The following FAM171B variants were observed in gnomAD, a reference collection of about 807,000 sequenced individuals.
FAM171B encodes protein FAM171B.
Under a neutral mutation model 75.6 loss-of-function variants are expected in FAM171B, and 19 were observed. The ratio of observed to expected loss-of-function variants is 0.25; its 90% CI spans 0.18 to 0.37. The LOEUF is 0.37. Ranked by LOEUF, FAM171B falls within the 10% of genes least tolerant of loss-of-function variation. The pLI is 1.00. For missense variants in FAM171B, 848 were observed against 982.4 expected, an observed-to-expected ratio of 0.86 and a Z score of 1.83; for synonymous variants, 367 against 361.7, an observed-to-expected ratio of 1.01 and a Z score of -0.17.
At chr2:186,718,953 A>C (rs1223690447) in intron 1 of FAM171B, among the ~76,000 whole-genome samples, 1 of 152,210 alleles carries the variant, frequency 6.6e-6, no homozygotes. Context: ...GCTGTCTGCT[A>C]ATGCTGTAGA....
rs1440524465 is a variant in FAM171B, at chr2:186,761,393, T to C, written c.1137-86T>C. 7 of 1,455,418 alleles carry C rather than the reference T, an allele frequency of 4.8e-6. No homozygotes were observed. The African/African-American group carries it at 1.0e-4, about 21-fold the overall frequency. The allele number at this position is 1,455,418 out of a possible 1,614,324, so 90.2% of individuals were successfully genotyped here. On this transcript the variant is annotated intron_variant, in intron 7 of 7. Coordinates refer to ENST00000304698, the MANE Select transcript of FAM171B (RefSeq NM_177454.4). ...ATATCTCACAATAGCATTGCATGTA[T>C]GATATGTAGATTGGGAGTGATTTTT... is the stretch of plus-strand genomic sequence containing the variant.
chr2:186,714,630 T>G (rs1438762532), intron 1 of FAM171B, among the ~76,000 whole-genome samples: 1 of 152,188 alleles, frequency 6.6e-6, no homozygotes, highest in Non-Finnish European at 1.5e-5. Context: ...GAGTGTTATA[T>G]AGGAATTATT....
chr2:186,743,980 C>T (rs1016900811), intron 3 of FAM171B, among the ~76,000 whole-genome samples: 1 of 152,100 alleles, frequency 6.6e-6, no homozygotes, highest in Non-Finnish European at 1.5e-5. Flanking sequence ...TTGGGAGATG[C>T]CTAAGACTTG....
chr2:186,747,959 G>C (rs889762508), intron 4 of FAM171B, among the ~76,000 whole-genome samples: 1 of 151,828 alleles, frequency 6.6e-6, no homozygotes, highest in African/African-American at 2.4e-5. Context: ...GTCTTGCTCT[G>C]TTTCCCAAGC....
At chr2:186,718,308 A>G (rs1026308245) in intron 1 of FAM171B, among the ~76,000 whole-genome samples, 11 of 152,140 alleles carry the variant, frequency 7.2e-5, no homozygotes, top group Admixed American at 5.9e-4. Context: ...AAATCCAGTC[A>G]TTTCCATTGT....
chr2:186,719,071 A>G (rs1689914667), intron 1 of FAM171B, among the ~76,000 whole-genome samples: 1 of 152,176 alleles, frequency 6.6e-6, no homozygotes, highest in Non-Finnish European at 1.5e-5. Context: ...ACCGGTCAGT[A>G]TTCCTTTCAG....
rs1559078362 is a variant in FAM171B, at chr2:186,694,337, A to AACG, written c.164_165insACG (p.Gln55_Gln56insArg). The AACG allele has an allele frequency of 6.2e-7, 1 of 1,613,158 alleles. No homozygotes were observed. Among genetic ancestry groups the AACG allele is most frequent in the South Asian group, 1.1e-5 (1 of 90,796 alleles). Reference sequence around the variant, plus strand: ...CAGCAGCAGCAACAACAACAACAACAGCAAAAGCAGCTGGAGGAGGCTGAG... The same window carrying AACG: ...CAGCAGCAGCAACAACAACAACAACAACGGCAAAAGCAGCTGGAGGAGGCTGAG... On this transcript the variant is annotated inframe_insertion, in exon 1 of 8. Transcript: ENST00000304698.
At chr2:186,696,360 T>C (rs1303244293) in intron 1 of FAM171B, among the ~76,000 whole-genome samples, 2 of 151,580 alleles carry the variant, frequency 1.3e-5, no homozygotes, top group Non-Finnish European at 2.9e-5. Flanking sequence ...AGTTAAAATA[T>C]TCCTTTGAAT....
chr2:186,762,998 T>C lies in FAM171B; in HGVS notation c.*175T>C, dbSNP rs1690645740. ...AGAGAAAGATACCAAGGAATGCTTT[T>C]TCTGGCCTATTCATTTATTTTTGGG... is the stretch of plus-strand genomic sequence containing the variant. On this transcript the variant is annotated 3_prime_UTR_variant, in exon 8 of 8. Coordinates refer to ENST00000304698, the MANE Select transcript of FAM171B (RefSeq NM_177454.4). This position sits in a 1 kb window ranked among gnomAD's most constrained non-coding sequence, Gnocchi z 4.0. The C allele has an allele frequency of 2.8e-6, 2 of 714,366 alleles. No homozygotes were observed. Among genetic ancestry groups the C allele is most frequent in the Non-Finnish European group, 2.2e-6 (1 of 455,190 alleles). 44.3% of individuals were successfully genotyped at this position (714,366 alleles called of 1,614,324 possible). A position where few individuals can be genotyped will look rare whatever the true frequency, so the allele number is the denominator to read the frequency against.
intron 6 of FAM171B, among the ~76,000 whole-genome samples, chr2:186,754,912 A>G (rs1321878905): frequency 6.6e-6 from 1 of 152,200 alleles, no homozygotes; most frequent in Non-Finnish European, 1.5e-5. Flanking sequence ...ACACCCCTGT[A>G]CTAAATGAAA....
rs1464039641 is a variant in FAM171B, at chr2:186,762,583, G to T, written c.2241G>T (p.Glu747Asp). The stretch of plus-strand genomic sequence containing the variant: ...AAGATTTAGACCTAAGCAGCAGTGA[G>T]AGTGGAACCACCGTCTGTTCCCCTG... ...YLEDLDLSSS[E>D]SGTTVCSPED... Residue 747 changes from glutamate to aspartate, a missense_variant, in exon 8 of 8, where the codon GAG (glutamate) becomes GAT (aspartate). Glu to Asp is a conservative substitution (Grantham distance 45, BLOSUM62 2). Coordinates refer to ENST00000304698, the MANE Select transcript of FAM171B (RefSeq NM_177454.4). This position sits in a 1 kb window ranked among gnomAD's most constrained non-coding sequence, Gnocchi z 4.0. The T allele has an allele frequency of 6.2e-7, 1 of 1,613,472 alleles. No homozygotes were observed. The highest frequency in any genetic ancestry group is 8.5e-7 in the Non-Finnish European group (1 of 1,179,674).
At chr2:186,719,702 T>C (rs1325762704) in intron 1 of FAM171B, among the ~76,000 whole-genome samples, 1 of 152,214 alleles carries the variant, frequency 6.6e-6, no homozygotes, top group African/African-American at 2.4e-5. Flanking sequence ...TAAAATAACA[T>C]AGGAATACTC....
intron 1 of FAM171B, 124 bp from the exon 2 acceptor site, chr2:186,740,104 G>A (rs1336431065): frequency 3.2e-6 from 2 of 632,858 alleles, no homozygotes; most frequent in Non-Finnish European, 5.4e-6. Flanking sequence ...ATGTATTTAT[G>A]TGTAGTTCCT....
chr2:186,727,490 G>C (rs1257889919), intron 1 of FAM171B, among the ~76,000 whole-genome samples: 1 of 152,146 alleles, frequency 6.6e-6, no homozygotes, highest in Non-Finnish European at 1.5e-5. Flanking sequence ...TTTTTCTGTA[G>C]AGTGCCAGAT....
intron 1 of FAM171B, among the ~76,000 whole-genome samples, chr2:186,722,650 C>T (rs962864653): frequency 2.6e-5 from 4 of 152,136 alleles, no homozygotes; most frequent in African/African-American, 9.7e-5. Flanking sequence ...ATAGAGAGGA[C>T]TGGGTTGTCC....
chr2:186,743,761 A>G (rs2105787120), intron 3 of FAM171B, among the ~76,000 whole-genome samples, 186 bp downstream of exon 3: 1 of 152,286 alleles, frequency 6.6e-6, no homozygotes, highest in Admixed American at 6.5e-5. Flanking sequence ...GCTTTTTTGT[A>G]TAGCAGGAGT....
rs1197870214 is a variant in FAM171B at position 186,762,757 on chromosome 2, C to T, written c.2415C>T (p.Ala805=). 8.7e-6 allele frequency: 14 copies of T among 1,613,270 alleles called. No individual in the cohort carries two copies. The highest frequency in any genetic ancestry group is 2.2e-5 in the East Asian group (1 of 44,846). The change falls in exon 8 of 8, where the codon GCC becomes GCT. Residue 805 remains alanine, a synonymous_variant. Coordinates refer to ENST00000304698, the MANE Select transcript of FAM171B (RefSeq NM_177454.4). The surrounding 1 kb of genome is among the most constrained non-coding windows in gnomAD (Gnocchi z 4.0). ...AAAGAAGGGGCAGACCACCACTAGC[C>T]AAAAGAGATAGCAAGACTAACATCT... ...PTKRRGRPPL[A]KRDSKTNIWK... is the part of the protein sequence containing the mutation.
chr2:186,762,101 C>T lies in FAM171B; in HGVS notation c.1759C>T (p.Pro587Ser). The T allele has an allele frequency of 6.2e-7, 1 of 1,613,670 alleles. No homozygotes were observed. Among genetic ancestry groups the T allele is most frequent in the Non-Finnish European group, 8.5e-7 (1 of 1,179,788 alleles). Residue 587 changes from proline (P) to serine (S), a missense_variant, in exon 8 of 8, where the codon CCC (proline) becomes TCC (serine). Coordinates refer to ENST00000304698, the MANE Select transcript of FAM171B (RefSeq NM_177454.4). The surrounding 1 kb of genome is among the most constrained non-coding windows in gnomAD (Gnocchi z 4.0). ...VNRENFTQTL[P>S]KMPIHSHAQP... ...TCGAGAGAACTTTACGCAGACCTTG[C>T]CCAAAATGCCAATTCATTCTCATGC...
In FAM171B at chr2:186,763,734, A is replaced by T. The variant is rs1690658457; in HGVS notation, c.*911A>T. 1 of 152,084 alleles carries T rather than the reference A, an allele frequency of 6.6e-6. No homozygotes were observed. The highest frequency in any genetic ancestry group is 2.4e-5 in the African/African-American group (1 of 41,442). The allele number at this position is 152,084 out of a possible 1,614,324, so 9.4% of individuals were successfully genotyped here. A position where few individuals can be genotyped will look rare whatever the true frequency, so the allele number is the denominator to read the frequency against. On this transcript the variant is annotated 3_prime_UTR_variant, in exon 8 of 8. Transcript: ENST00000304698. Reference sequence around the variant, plus strand: ...TTAAAGGCTATGAAATTTAAAAAAAAAGTCGATGTGAAAGTTTCTTTTGAA... The same window carrying T: ...TTAAAGGCTATGAAATTTAAAAAAATAGTCGATGTGAAAGTTTCTTTTGAA...
Sources: allele counts gnomAD v4.1 joint callset (sites outside exome capture counted in the v4.1 genomes callset), GRCh38; gene constraint gnomAD v4.1.1; non-coding constraint Gnocchi (gnomAD v3.1); transcripts MANE v1.5; gene names NCBI Gene and HGNC (gene_info 2026-07-23, HGNC 2026-07-21).